The following RNF217 variants were observed in gnomAD, a reference collection of about 807,000 sequenced individuals.
RNF217 encodes E3 ubiquitin-protein ligase RNF217.
RNF217 carries 31 observed loss-of-function variants against 57.8 expected under a neutral mutation model. The ratio of observed to expected loss-of-function variants is 0.54; its 90% confidence interval spans 0.40 to 0.72. The LOEUF (loss-of-function observed/expected upper bound fraction) is 0.72. Among genes scored for constraint, RNF217 ranks in the 30% least tolerant of loss-of-function variants. The pLI, the probability that RNF217 is intolerant of heterozygous loss-of-function variation, is 0.00. For missense variants in RNF217, 696 were observed against 708.3 expected (o/e 0.98, Z 0.20); for synonymous variants, 313 against 294.0 (o/e 1.06, Z -0.66).
At chr6:125,048,171 G>T in intron 2 of RNF217, 4 of 1,336,966 alleles carry the variant, frequency 3.0e-6, no homozygotes, top group Non-Finnish European at 4.0e-6. Flanking sequence ...GCACTGACAT[G>T]GATACCCCAG....
At chr6:124,986,189 C>T (rs994636888) in intron 1 of RNF217, among the ~76,000 whole-genome samples, 14 of 152,184 alleles carry the variant, frequency 9.2e-5, no homozygotes, top group African/African-American at 3.1e-4. Context: ...TTTTCTCTGC[C>T]AGGCTGGCAT....
At chr6:125,076,924 A>G in intron 4 of RNF217, 66 bp downstream of exon 4, 1 of 1,353,486 alleles carries the variant, frequency 7.4e-7, no homozygotes, top group Non-Finnish European at 1.1e-6. Flanking sequence ...GAACTTGGAA[A>G]TGTGCAGCCA....
At chr6:125,053,479 C>T (rs975541364) in intron 2 of RNF217, among the ~76,000 whole-genome samples, 30 of 152,164 alleles carry the variant, frequency 2.0e-4, no homozygotes, top group African/African-American at 7.2e-4. Flanking sequence ...TGCTACTTTA[C>T]ACATGGATGT....
chr6:125,071,291 G>A (rs946966671), intron 3 of RNF217, among the ~76,000 whole-genome samples: 3 of 152,130 alleles, frequency 2.0e-5, no homozygotes, highest in Non-Finnish European at 4.4e-5. Context: ...CAGGCTCAAA[G>A]TAAGCTGGGC....
chr6:125,070,338 T>C (rs1314503648), intron 3 of RNF217, among the ~76,000 whole-genome samples: 2 of 152,212 alleles, frequency 1.3e-5, no homozygotes, highest in Non-Finnish European at 2.9e-5. Context: ...GTATTTTTCA[T>C]ATAATGATGT....
intron 1 of RNF217, among the ~76,000 whole-genome samples, chr6:124,991,391 G>A (rs1022365514): frequency 6.6e-6 from 1 of 152,054 alleles, no homozygotes; most frequent in Non-Finnish European, 1.5e-5. Context: ...ATTTCTCCTA[G>A]TGGCCTTCTT....
chr6:125,020,809 C>T (rs148986134), intron 1 of RNF217, among the ~76,000 whole-genome samples: 19 of 152,240 alleles, frequency 1.2e-4, no homozygotes, highest in African/African-American at 4.1e-4. Flanking sequence ...CAAATAAATA[C>T]TCTAACATAT....
chr6:125,012,220 A>T (rs529504362), intron 1 of RNF217, among the ~76,000 whole-genome samples: 4 of 152,338 alleles, frequency 2.6e-5, no homozygotes, highest in Non-Finnish European at 5.9e-5. Context: ...AATATAGCAT[A>T]TACAATACTA....
At chr6:125,016,756 G>A (rs1170246109) in intron 1 of RNF217, among the ~76,000 whole-genome samples, 1 of 151,782 alleles carries the variant, frequency 6.6e-6, no homozygotes, top group Non-Finnish European at 1.5e-5. Flanking sequence ...GACACAGGGA[G>A]GGGAACATCA....
chr6:125,035,122 A>G (rs552279888), intron 1 of RNF217, among the ~76,000 whole-genome samples: 2 of 152,316 alleles, frequency 1.3e-5, no homozygotes, highest in South Asian at 4.1e-4. Context: ...TTTTCTAGAT[A>G]TACAATGATG....
At chr6:125,021,199 C>T (rs1360072846) in intron 1 of RNF217, among the ~76,000 whole-genome samples, 1 of 151,986 alleles carries the variant, frequency 6.6e-6, no homozygotes, top group African/African-American at 2.4e-5. Context: ...AACTGTGGTT[C>T]CTCTACTCTC....
Position 124,962,483 on chromosome 6 carries a change from C to A in RNF217, c.-62C>A. The stretch of plus-strand genomic sequence containing the variant: ...GCCGAGCCACTGCCCCCGCTGCCCG[C>A]GGGCGCCGGGTGGGGGTCCCGGCGG... On this transcript the variant is annotated 5_prime_UTR_variant, in exon 1 of 6. Coordinates refer to ENST00000521654, the MANE Select transcript of RNF217 (RefSeq NM_001286398.3). The surrounding 1 kb of genome is among the most constrained non-coding windows in gnomAD (Gnocchi z 4.6). The A allele has an allele frequency of 4.8e-6, 4 of 829,344 alleles. No homozygotes were observed. Among genetic ancestry groups the A allele is most frequent in the Non-Finnish European group, 6.1e-6 (4 of 654,610 alleles). The allele number at this position is 829,344 out of a possible 1,614,324, so 51.4% of individuals were successfully genotyped here.
chr6:124,990,535 C>T (rs926175944), intron 1 of RNF217, among the ~76,000 whole-genome samples: 1 of 152,156 alleles, frequency 6.6e-6, no homozygotes, highest in Non-Finnish European at 1.5e-5. Flanking sequence ...TTCCATTTTT[C>T]CAGTTGCTTA....
chr6:125,041,852 T>G (rs990961806), intron 1 of RNF217, among the ~76,000 whole-genome samples: 1 of 152,046 alleles, frequency 6.6e-6, no homozygotes, highest in Non-Finnish European at 1.5e-5. Flanking sequence ...AAACCACATT[T>G]CACTGAAATC....
intron 1 of RNF217, among the ~76,000 whole-genome samples, chr6:125,043,659 G>A (rs1303845145): frequency 2.6e-5 from 4 of 152,146 alleles, no homozygotes; most frequent in Middle Eastern, 3.4e-3. Flanking sequence ...GAGAAGTTTT[G>A]TCTTGAGGCA....
chr6:125,010,504 A>G (rs1339584514), intron 1 of RNF217, among the ~76,000 whole-genome samples: 1 of 152,230 alleles, frequency 6.6e-6, no homozygotes, highest in South Asian at 2.1e-4. Flanking sequence ...TTGGATGTCT[A>G]TACCAATTTC....
At chr6:125,046,813 CGTT>C (rs1325798213) in intron 2 of RNF217, among the ~76,000 whole-genome samples, 1 of 151,948 alleles carries the variant, frequency 6.6e-6, no homozygotes, top group Non-Finnish European at 1.5e-5. Context: ...CTTCATGAGT[CGTT>C]GTTCTTTGAA....
intron 3 of RNF217, among the ~76,000 whole-genome samples, chr6:125,073,594 T>C (rs1562496258): frequency 6.6e-6 from 1 of 152,142 alleles, no homozygotes; most frequent in Non-Finnish European, 1.5e-5. Flanking sequence ...GAGTTTTGCT[T>C]TTCTTGCCCA....
intron 1 of RNF217, among the ~76,000 whole-genome samples, chr6:124,992,946 A>G (rs1784616040): frequency 6.6e-6 from 1 of 152,168 alleles, no homozygotes; most frequent in South Asian, 2.1e-4. Flanking sequence ...AGACATTGCC[A>G]TGAAGCTGTC....
Sources: allele counts gnomAD v4.1 joint callset (sites outside exome capture counted in the v4.1 genomes callset), GRCh38; gene constraint gnomAD v4.1.1; non-coding constraint Gnocchi (gnomAD v3.1); transcripts MANE v1.5; gene names NCBI Gene and HGNC (gene_info 2026-07-23, HGNC 2026-07-21).